The following ODAD2 variants were observed in gnomAD, a reference collection of about 807,000 sequenced individuals.
ODAD2 encodes outer dynein arm-docking complex subunit 2.
Under a neutral mutation model 106.8 loss-of-function variants are expected in ODAD2, and 89 were observed. That is an observed-to-expected ratio of 0.83 (90% CI 0.70 to 0.99). ODAD2 has a LOEUF of 0.99. Ranked by LOEUF, ODAD2 falls within the 50% of genes least tolerant of loss-of-function variation. ODAD2 has a pLI of 0.00. For missense variants in ODAD2, 1,168 were observed against 1,238.5 expected, an observed-to-expected ratio of 0.94 and a Z score of 0.85; for synonymous variants, 404 against 436.2, an observed-to-expected ratio of 0.93 and a Z score of 0.92.
At position 27,981,596 on chromosome 10, in the gene ODAD2, C is replaced by T. The variant is rs1849549348; in HGVS notation, c.820-14G>A. 1 of 1,493,378 alleles carries T rather than the reference C, an allele frequency of 6.7e-7. No homozygotes were observed. The highest frequency in any genetic ancestry group is 1.5e-5 in the African/African-American group (1 of 68,504). The allele number at this position is 1,493,378 out of a possible 1,614,324, so 92.5% of individuals were successfully genotyped here. ...ATCTGTTTTGCCCTTTGGGAAAAAACAAGTTTCATTCTATGATTAACATAA... is the reference window on the plus strand; with the variant it reads ...ATCTGTTTTGCCCTTTGGGAAAAAATAAGTTTCATTCTATGATTAACATAA... On this transcript the variant is annotated splice_polypyrimidine_tract_variant and intron_variant, in intron 6 of 19. Transcript: ENST00000305242.
At chr10:27,912,006 G>A (rs756966675) in intron 16 of ODAD2, among the ~76,000 whole-genome samples, 4 of 152,104 alleles carry the variant, frequency 2.6e-5, no homozygotes, top group East Asian at 1.9e-4. Context: ...CAAAATACAC[G>A]TTCAAATTCT....
intron 16 of ODAD2, among the ~76,000 whole-genome samples, chr10:27,920,072 G>A (rs981143246): frequency 6.7e-6 from 1 of 150,000 alleles, no homozygotes; most frequent in Non-Finnish European, 1.5e-5. Context: ...AAAGAAGCAA[G>A]GTCCTAATTA....
chr10:27,930,934 C>A (rs1227340925), intron 16 of ODAD2, among the ~76,000 whole-genome samples: 1 of 152,134 alleles, frequency 6.6e-6, no homozygotes, highest in Non-Finnish European at 1.5e-5. Flanking sequence ...GTCTCTAATA[C>A]CCTTTTCACT....
intron 7 of ODAD2, among the ~76,000 whole-genome samples, chr10:27,979,125 A>AGTTGAT (rs1849375732): frequency 6.6e-6 from 1 of 150,980 alleles, no homozygotes; most frequent in Non-Finnish European, 1.5e-5. Context: ...CACGAGAATC[A>AGTTGAT]CTTGAACCCG....
chr10:27,919,551 A>C (rs934055821), intron 16 of ODAD2, among the ~76,000 whole-genome samples: 5 of 152,154 alleles, frequency 3.3e-5, no homozygotes, highest in Non-Finnish European at 5.9e-5. Flanking sequence ...AAGATATGGA[A>C]AGTTACTCAA....
chr10:27,886,848 T>C (rs998225543), intron 17 of ODAD2, among the ~76,000 whole-genome samples: 1 of 152,032 alleles, frequency 6.6e-6, no homozygotes, highest in African/African-American at 2.4e-5. Context: ...GTAAGCTCCA[T>C]GTTAGTAACC....
intron 10 of ODAD2, among the ~76,000 whole-genome samples, chr10:27,945,800 C>T (rs1846873254): frequency 6.6e-6 from 1 of 152,100 alleles, no homozygotes; most frequent in Non-Finnish European, 1.5e-5. Context: ...ACCACTACTG[C>T]TATTCAGCTG....
At chr10:27,866,692 A>C (rs1840462998) in intron 17 of ODAD2, among the ~76,000 whole-genome samples, 1 of 152,198 alleles carries the variant, frequency 6.6e-6, no homozygotes, top group Admixed American at 6.5e-5. Context: ...GGTAAAAGAA[A>C]GGAAGCAAGA....
At chr10:27,941,014 A>C (rs972169830) in intron 12 of ODAD2, among the ~76,000 whole-genome samples, 1 of 152,166 alleles carries the variant, frequency 6.6e-6, no homozygotes, top group Non-Finnish European at 1.5e-5. Context: ...GAGCTTATAC[A>C]TTTCCTTCCC....
intron 19 of ODAD2, among the ~76,000 whole-genome samples, chr10:27,844,309 A>G (rs974359291): frequency 4.5e-4 from 69 of 152,220 alleles, no homozygotes; most frequent in African/African-American, 1.6e-3. Context: ...CTTGGGATGG[A>G]TTTTCAAAAG....
intron 10 of ODAD2, among the ~76,000 whole-genome samples, chr10:27,952,140 G>A (rs927421518): frequency 4.9e-5 from 7 of 141,840 alleles, no homozygotes; most frequent in Non-Finnish European, 1.1e-4. Context: ...AACAGCTAAA[G>A]GATTAATTTG....
chr10:27,877,022 C>T (rs1841385896), intron 17 of ODAD2, among the ~76,000 whole-genome samples: 1 of 151,898 alleles, frequency 6.6e-6, no homozygotes, highest in African/African-American at 2.4e-5. Flanking sequence ...GATATAGGCT[C>T]ATGTCTATCA....
chr10:27,995,146 A>G lies in ODAD2; in HGVS notation c.-4T>C. 6.2e-7 allele frequency: 1 copy of G among 1,614,108 alleles called. No individual in the cohort carries two copies. The highest frequency in any genetic ancestry group is 1.1e-5 in the South Asian group (1 of 91,070). The stretch of plus-strand genomic sequence containing the variant: ...ATTTCCTCAGAGCCACACCCATGGG[A>G]TCCACCGTGCTCAGACCTGAGCTTA... On this transcript the variant is annotated 5_prime_UTR_variant, in exon 2 of 20. Coordinates refer to ENST00000305242, the MANE Select transcript of ODAD2 (RefSeq NM_018076.5).
At chr10:27,984,814 T>C (rs1849772180) in intron 4 of ODAD2, among the ~76,000 whole-genome samples, 1 of 152,166 alleles carries the variant, frequency 6.6e-6, no homozygotes, top group Admixed American at 6.5e-5. Flanking sequence ...TTACTTTTCT[T>C]GTGTCTTTTT....
At chr10:27,840,116 G>T (rs1231448342) in intron 19 of ODAD2, among the ~76,000 whole-genome samples, 1 of 152,094 alleles carries the variant, frequency 6.6e-6, no homozygotes, top group Admixed American at 6.5e-5. Flanking sequence ...CTGTCAGCAA[G>T]AATTTGTCAT....
intron 16 of ODAD2, among the ~76,000 whole-genome samples, chr10:27,927,280 G>C (rs1232101177): frequency 6.6e-6 from 1 of 152,056 alleles, no homozygotes; most frequent in African/African-American, 2.4e-5. Context: ...TGTTTATCCT[G>C]ATATGTGACC....
intron 3 of ODAD2, among the ~76,000 whole-genome samples, 154 bp from the exon 4 acceptor site, chr10:27,985,365 T>C (rs1264788296): frequency 6.6e-6 from 1 of 152,228 alleles, no homozygotes; most frequent in Admixed American, 6.5e-5. Context: ...CATCTCTACG[T>C]CTGAGATTCC....
chr10:27,891,921 C>T (rs1396734986), intron 17 of ODAD2, among the ~76,000 whole-genome samples: 2 of 148,370 alleles, frequency 1.3e-5, no homozygotes, highest in Non-Finnish European at 3.0e-5. Context: ...AGACTTTCTG[C>T]AGCAGACAGT....
intron 7 of ODAD2, among the ~76,000 whole-genome samples, chr10:27,971,620 C>T (rs1848870396): frequency 6.6e-6 from 1 of 152,040 alleles, no homozygotes; most frequent in African/African-American, 2.4e-5. Flanking sequence ...TAAAACACAT[C>T]GTATTTAAAT....
Sources: gnomAD v4.1 joint callset for allele counts (sites outside exome capture counted in the v4.1 genomes callset) on GRCh38, gnomAD v4.1.1 for gene constraint, MANE v1.5 for transcripts, NCBI Gene and HGNC (gene_info 2026-07-23, HGNC 2026-07-21) for gene names.